Variants in HDAC9 observed in about 807,000 individuals in gnomAD.
The protein encoded by HDAC9 is MEF-2 interacting transcription repressor (MITR) protein.
Under a neutral mutation model 139.4 loss-of-function variants are expected in HDAC9, and 41 were observed. The ratio of observed to expected loss-of-function variants is 0.29; its 90% CI spans 0.23 to 0.38. HDAC9 has a LOEUF of 0.38. HDAC9 is among the 10% of genes least tolerant of loss of function. The pLI, the probability that HDAC9 is intolerant of heterozygous loss-of-function variation, is 1.00. For synonymous variants in HDAC9, 517 were observed against 476.2 expected, an observed-to-expected ratio of 1.09 and a Z score of -1.12; for missense variants, 1,147 against 1,297.0, an observed-to-expected ratio of 0.88 and a Z score of 1.78.
chr7:18,576,303 G>A (rs370114288), intron 2 of HDAC9, among the ~76,000 whole-genome samples: 27 of 152,254 alleles, frequency 1.8e-4, no homozygotes, highest in Admixed American at 3.3e-4. Context: ...AGCCAGGAAC[G>A]TAACAGAAGT....
intron 23 of HDAC9, among the ~76,000 whole-genome samples, chr7:18,950,313 AC>A (rs1307023435): frequency 2.0e-5 from 3 of 152,198 alleles, no homozygotes; most frequent in Middle Eastern, 3.4e-3. Flanking sequence ...ATGTCAGGAA[AC>A]CTTGCCAATG....
At chr7:18,910,307 A>G (rs920812805) in intron 22 of HDAC9, among the ~76,000 whole-genome samples, 2 of 151,814 alleles carry the variant, frequency 1.3e-5, no homozygotes, top group Non-Finnish European at 2.9e-5. Flanking sequence ...TATATTTTTG[A>G]AGCTATTGCC....
At chr7:18,257,950 G>T (rs1465122970) in intron 2 of HDAC9, among the ~76,000 whole-genome samples, 1 of 152,184 alleles carries the variant, frequency 6.6e-6, no homozygotes, top group Non-Finnish European at 1.5e-5. Context: ...AGCATCATCT[G>T]TGGCCTCGTT....
At chr7:18,626,462 C>G (rs750572797) in intron 6 of HDAC9, among the ~76,000 whole-genome samples, 1 of 152,180 alleles carries the variant, frequency 6.6e-6, no homozygotes, top group Non-Finnish European at 1.5e-5. Context: ...AAGAAAATCC[C>G]TCCAACATCC....
intron 22 of HDAC9, among the ~76,000 whole-genome samples, chr7:18,930,996 G>A (rs1333364358): frequency 6.6e-6 from 1 of 152,076 alleles, no homozygotes; most frequent in Non-Finnish European, 1.5e-5. Context: ...AGTGACTTTA[G>A]ATAATTGAAT....
At chr7:18,328,564 A>G (rs1338976042) in intron 1 of HDAC9, among the ~76,000 whole-genome samples, 4 of 151,862 alleles carry the variant, frequency 2.6e-5, no homozygotes, top group Non-Finnish European at 5.9e-5. Context: ...AGATCATGTA[A>G]TTTTTATCCT....
At chr7:18,837,781 A>G (rs1796333419) in intron 21 of HDAC9, among the ~76,000 whole-genome samples, 1 of 152,064 alleles carries the variant, frequency 6.6e-6, no homozygotes, top group African/African-American at 2.4e-5. Flanking sequence ...CAACCATTCC[A>G]TTACATAATG....
intron 13 of HDAC9, among the ~76,000 whole-genome samples, chr7:18,743,949 C>G (rs1042281445): frequency 6.7e-6 from 1 of 148,466 alleles, no homozygotes; most frequent in Non-Finnish European, 1.5e-5. Context: ...TCTAGCCTCA[C>G]AAATTTTTTC....
chr7:18,465,104 T>C (rs747291860), intron 1 of HDAC9, among the ~76,000 whole-genome samples: 4 of 152,044 alleles, frequency 2.6e-5, no homozygotes, highest in Non-Finnish European at 5.9e-5. Flanking sequence ...TTTCTACAAG[T>C]GTTGATTCTT....
At chr7:18,531,260 G>C (rs1188085964) in intron 2 of HDAC9, among the ~76,000 whole-genome samples, 1 of 151,996 alleles carries the variant, frequency 6.6e-6, no homozygotes, top group Non-Finnish European at 1.5e-5. Context: ...GATATGTGTG[G>C]ATCTGAATGA....
At chr7:18,429,229 A>T (rs750926128) in intron 1 of HDAC9, 1 of 152,198 alleles carries the variant, frequency 6.6e-6, no homozygotes, top group African/African-American at 2.4e-5. Context: ...GTCTACCATG[A>T]TATGAATTAG....
intron 16 of HDAC9, among the ~76,000 whole-genome samples, chr7:18,786,603 T>TTCCCTCCCTCCCTCCC (rs1791787302): frequency 1.1e-5 from 1 of 90,672 alleles, no homozygotes; most frequent in Non-Finnish European, 2.5e-5. Flanking sequence ...CCTTCCTTCC[T>TTCCCTCCCTCCCTCCC]TCCTTCCTTC....
At chr7:18,249,022 A>G (rs550533205) in intron 2 of HDAC9, among the ~76,000 whole-genome samples, 1 of 152,308 alleles carries the variant, frequency 6.6e-6, no homozygotes, top group African/African-American at 2.4e-5. Flanking sequence ...CTTGAGTTCA[A>G]ACTACTTTCA....
Position 18,495,902 on chromosome 7 carries a change from G to T in HDAC9, c.-163G>T, listed in dbSNP as rs756300279. Reference sequence around the variant, plus strand: ...GTGGGTAGACTTAATAATTTTCTACGTATTCTGACAAAGAAATAACCCCGA... The same window carrying T: ...GTGGGTAGACTTAATAATTTTCTACTTATTCTGACAAAGAAATAACCCCGA... On this transcript the variant is annotated 5_prime_UTR_variant, in exon 1 of 26. Coordinates refer to ENST00000686413, the MANE Select transcript of HDAC9 (RefSeq NM_178425.4). 31 of 1,182,062 alleles carry T rather than the reference G, an allele frequency of 2.6e-5. No individual in the cohort carries two copies. The highest frequency in any genetic ancestry group is 3.2e-5 in the Non-Finnish European group (31 of 956,926). 73.2% of individuals were successfully genotyped at this position (1,182,062 alleles called of 1,614,324 possible).
chr7:18,570,381 A>G (rs1334168920), intron 2 of HDAC9, among the ~76,000 whole-genome samples: 1 of 152,250 alleles, frequency 6.6e-6, no homozygotes, highest in East Asian at 1.9e-4. Context: ...GAAGAAATAT[A>G]TTCAATTACA....
chr7:18,599,539 T>C (rs1279784865), intron 6 of HDAC9, among the ~76,000 whole-genome samples: 1 of 152,234 alleles, frequency 6.6e-6, no homozygotes, highest in East Asian at 1.9e-4. Flanking sequence ...CAGAATGTCA[T>C]AGGGCTACGA....
At chr7:18,603,914 A>AT (rs35147513) in intron 6 of HDAC9, among the ~76,000 whole-genome samples, 1 of 151,944 alleles carries the variant, frequency 6.6e-6, no homozygotes, top group African/African-American at 2.4e-5. Context: ...TCTTTTTAAA[A>AT]TTTTTTTGGC....
chr7:18,304,898 C>T (rs539088581), intron 1 of HDAC9, among the ~76,000 whole-genome samples: 1 of 151,694 alleles, frequency 6.6e-6, no homozygotes, highest in Non-Finnish European at 1.5e-5. Context: ...TTCACATATG[C>T]CCCCACCCCC....
At chr7:18,615,605 A>G (rs537605005) in intron 6 of HDAC9, among the ~76,000 whole-genome samples, 18 of 152,314 alleles carry the variant, frequency 1.2e-4, no homozygotes, top group African/African-American at 3.8e-4. Flanking sequence ...ACCGTAGAAA[A>G]TTAAATGTGG....
Sources: allele counts gnomAD v4.1 joint callset (sites outside exome capture counted in the v4.1 genomes callset), GRCh38; gene constraint gnomAD v4.1.1; transcripts MANE v1.5; gene names NCBI Gene and HGNC (gene_info 2026-07-23, HGNC 2026-07-21).